Variants in KCNJ6 observed in about 807,000 individuals in gnomAD.
The protein encoded by KCNJ6 is potassium inwardly rectifying channel subfamily J member 6.
Under a neutral mutation model 34.2 loss-of-function variants are expected in KCNJ6, and 9 were observed. The observed-to-expected ratio is 0.26, with a 90% CI of 0.16 to 0.46. The LOEUF (loss-of-function observed/expected upper bound fraction) is 0.46, where lower values mean the gene tolerates loss of function less well. Among genes scored for constraint, KCNJ6 ranks in the 20% least tolerant of loss-of-function variants. KCNJ6 has a pLI of 1.00. For missense variants in KCNJ6, 236 were observed against 531.3 expected, an observed-to-expected ratio of 0.44 and a Z score of 5.46; for synonymous variants, 196 against 207.1, an observed-to-expected ratio of 0.95 and a Z score of 0.46.
At chr21:37,830,105 C>T (rs961667054) in intron 2 of KCNJ6, among the ~76,000 whole-genome samples, 19 of 152,136 alleles carry the variant, frequency 1.2e-4, no homozygotes, top group Admixed American at 2.6e-4. Context: ...AACACCATCA[C>T]GATGGAAAAA....
intron 1 of KCNJ6, among the ~76,000 whole-genome samples, chr21:37,891,118 G>A (rs1010005423): frequency 1.3e-5 from 2 of 152,118 alleles, no homozygotes; most frequent in East Asian, 3.9e-4. Flanking sequence ...TGGGAAGCAG[G>A]GAAGGCATAG....
At chr21:37,726,057 C>A (rs1302404507) in intron 2 of KCNJ6, among the ~76,000 whole-genome samples, 3 of 152,176 alleles carry the variant, frequency 2.0e-5, no homozygotes, top group Non-Finnish European at 2.9e-5. Context: ...AGGTGCATGC[C>A]ACCATGCCTG....
chr21:37,901,825 C>A (rs1028993576), intron 1 of KCNJ6, among the ~76,000 whole-genome samples: 2 of 152,208 alleles, frequency 1.3e-5, no homozygotes, highest in African/African-American at 2.4e-5. Context: ...AGTAGCATAT[C>A]TGCCTTCTGA....
intron 2 of KCNJ6, among the ~76,000 whole-genome samples, chr21:37,753,609 T>G (rs938558827): frequency 2.0e-5 from 3 of 152,228 alleles, no homozygotes; most frequent in African/African-American, 7.2e-5. Context: ...AGTCTGGAGA[T>G]AGCAGGTCAA....
chr21:37,670,502 C>T (rs2054536466), intron 3 of KCNJ6, among the ~76,000 whole-genome samples: 1 of 152,164 alleles, frequency 6.6e-6, no homozygotes, highest in Non-Finnish European at 1.5e-5. Flanking sequence ...CAGTGGCTCA[C>T]ACCTGTAATC....
chr21:37,720,649 TCCTC>T (rs1467625870), intron 2 of KCNJ6, among the ~76,000 whole-genome samples: 1 of 152,078 alleles, frequency 6.6e-6, no homozygotes, highest in Non-Finnish European at 1.5e-5. Flanking sequence ...TGTGGTTTCT[TCCTC>T]ATCAAAAATC....
rs141026972 is a variant in KCNJ6 at position 37,891,999 on chromosome 21, A to G, written c.-28+23885T>C. 4.4e-4 allele frequency among the ~76,000 whole-genome samples: 67 copies of G among 152,290 alleles called. No homozygotes were observed. In the East Asian group the frequency reaches 9.3e-3, roughly 21 times the overall value. On this transcript the variant is annotated intron_variant, in intron 1 of 3. Coordinates refer to ENST00000609713, the MANE Select transcript of KCNJ6 (RefSeq NM_002240.5). ...TGGCAATAAGAAGACAAAGATTTTC[A>G]TGTTGGGAGCTTAAACACTGAAGAA...
chr21:37,892,792 T>C (rs999370824), intron 1 of KCNJ6, among the ~76,000 whole-genome samples: 2 of 152,112 alleles, frequency 1.3e-5, no homozygotes, highest in African/African-American at 4.8e-5. Context: ...AAGAAATCAC[T>C]ATACAGGAGA....
intron 2 of KCNJ6, among the ~76,000 whole-genome samples, chr21:37,740,741 C>A (rs1337546345): frequency 1.3e-5 from 2 of 152,206 alleles, no homozygotes; most frequent in Non-Finnish European, 2.9e-5. Context: ...TTCTGCCATT[C>A]CCCTGTTCCT....
At chr21:37,883,439 C>A (rs555479379) in intron 1 of KCNJ6, among the ~76,000 whole-genome samples, 1 of 152,270 alleles carries the variant, frequency 6.6e-6, no homozygotes, top group East Asian at 1.9e-4. Flanking sequence ...TGAGCCCCTG[C>A]CTAAATGAAT....
chr21:37,703,422 A>G (rs1372785253), intron 3 of KCNJ6, among the ~76,000 whole-genome samples: 1 of 152,120 alleles, frequency 6.6e-6, no homozygotes, highest in Non-Finnish European at 1.5e-5. Flanking sequence ...GATTGCTTCT[A>G]TTTTCTCAAC....
At chr21:37,715,208 T>C in intron 2 of KCNJ6, 77 bp from the exon 3 acceptor site, 1 of 1,270,710 alleles carries the variant, frequency 7.9e-7, no homozygotes, top group Non-Finnish European at 1.1e-6. Flanking sequence ...GCACACTTTG[T>C]ATGGGCTGGT....
chr21:37,666,199 A>G (rs988236122), intron 3 of KCNJ6, among the ~76,000 whole-genome samples: 4 of 152,196 alleles, frequency 2.6e-5, no homozygotes, highest in Non-Finnish European at 4.4e-5. Context: ...ACACAGGCAG[A>G]GATCTGGGAA....
At chr21:37,877,051 G>A (rs1435711550) in intron 1 of KCNJ6, among the ~76,000 whole-genome samples, 1 of 152,130 alleles carries the variant, frequency 6.6e-6, no homozygotes, top group Non-Finnish European at 1.5e-5. Flanking sequence ...TTGAGTTGAT[G>A]TCGAATGGTT....
chr21:37,650,629 C>G (rs2054428918), intron 3 of KCNJ6, among the ~76,000 whole-genome samples: 1 of 152,208 alleles, frequency 6.6e-6, no homozygotes, highest in Non-Finnish European at 1.5e-5. Context: ...AGCTTTCCTT[C>G]AAGAATCCTG....
At chr21:37,765,566 A>G (rs1392965908) in intron 2 of KCNJ6, among the ~76,000 whole-genome samples, 2 of 152,206 alleles carry the variant, frequency 1.3e-5, no homozygotes, top group Non-Finnish European at 2.9e-5. Flanking sequence ...CAAAATGTCA[A>G]TATTGCTGAA....
rs572206781 is a variant in KCNJ6 at position 37,684,830 on chromosome 21, G to A, written c.946+29381C>T. ...AAAATTAAACTGTTGAAAGCACTAT[G>A]AGAAAACAAGGGAGAATGACTTTAT... On this transcript the variant is annotated intron_variant, in intron 3 of 3. Transcript: ENST00000609713. 2.0e-5 allele frequency among the ~76,000 whole-genome samples: 3 copies of A among 152,326 alleles called. No individual in the cohort carries two copies. The South Asian group carries it at 6.2e-4, about 32-fold the overall frequency.
chr21:37,853,930 CAA>C (rs1274159840), intron 1 of KCNJ6, among the ~76,000 whole-genome samples: 20 of 144,264 alleles, frequency 1.4e-4, no homozygotes, highest in African/African-American at 4.9e-4. Flanking sequence ...AAAAGCTAAA[CAA>C]AGAGATATAT....
At position 37,617,314 on chromosome 21, in the gene KCNJ6, G is replaced by A. The variant is rs548265686; in HGVS notation, c.*7845C>T. On this transcript the variant is annotated 3_prime_UTR_variant, in exon 4 of 4. Transcript: ENST00000609713. ...GCTTACTGCAACCTCCCCCTCCCAAGTTTAAGCTATTCTTGTGCCTCAGCC... is the reference window on the plus strand; with the variant it reads ...GCTTACTGCAACCTCCCCCTCCCAAATTTAAGCTATTCTTGTGCCTCAGCC... 7 of 151,878 alleles carry A rather than the reference G, an allele frequency of 4.6e-5. No individual in the cohort carries two copies. The East Asian group carries it at 1.4e-3, about 29-fold the overall frequency. The allele number at this position is 151,878 out of a possible 1,614,324, so 9.4% of individuals were successfully genotyped here. A position where few individuals can be genotyped will look rare whatever the true frequency, so the allele number is the denominator to read the frequency against.
Sources: gnomAD v4.1 joint callset for allele counts (sites outside exome capture counted in the v4.1 genomes callset) on GRCh38, gnomAD v4.1.1 for gene constraint, MANE v1.5 for transcripts, NCBI Gene and HGNC (gene_info 2026-07-23, HGNC 2026-07-21) for gene names.